The following SPTA1 variants were observed in gnomAD, a reference collection of about 807,000 sequenced individuals.
SPTA1 encodes the protein spectrin alpha chain, erythrocytic 1.
SPTA1 carries 177 observed loss-of-function variants against 324.7 expected under a neutral mutation model. That is an observed-to-expected ratio of 0.55 (90% CI 0.48 to 0.62). SPTA1 has a LOEUF of 0.62. Among genes scored for constraint, SPTA1 ranks in the 20% least tolerant of loss-of-function variants. The pLI is 0.00. For synonymous variants in SPTA1, 1,195 were observed against 1,041.3 expected (o/e 1.15, Z -2.84); for missense variants, 3,162 against 2,883.6 (o/e 1.10, Z -2.21).
intron 12 of SPTA1, among the ~76,000 whole-genome samples, chr1:158,670,450 G>A (rs1203935603): frequency 6.6e-6 from 1 of 152,196 alleles, no homozygotes; most frequent in East Asian, 1.9e-4. Flanking sequence ...CAATTAATGA[G>A]GGACTTGATA....
intron 1 of SPTA1, 54 bp from the exon 2 acceptor site, chr1:158,685,401 G>T (rs543408293): frequency 1.2e-6 from 2 of 1,603,844 alleles, no homozygotes; most frequent in Non-Finnish European, 1.7e-6. Flanking sequence ...TTAACATGTT[G>T]CCCCGCTTAT....
chr1:158,614,642 C>CT (rs1649450765), intron 48 of SPTA1: 3 of 236,342 alleles, frequency 1.3e-5, no homozygotes, highest in Non-Finnish European at 2.5e-5. Flanking sequence ...ATCATAGCTG[C>CT]TTTTTTCACT....
intron 20 of SPTA1, 77 bp from the exon 21 acceptor site, chr1:158,654,825 C>A: frequency 6.3e-7 from 1 of 1,595,220 alleles, no homozygotes; most frequent in East Asian, 2.2e-5. Context: ...GGTGAGTAGT[C>A]CTTTAGGCTT....
chr1:158,674,261 T>C (rs1220814018), intron 10 of SPTA1, 68 bp downstream of exon 10: 1 of 1,421,106 alleles, frequency 7.0e-7, no homozygotes, highest in Non-Finnish European at 9.9e-7. Context: ...GATTATCATA[T>C]TATTGTGAGA....
In SPTA1 at chr1:158,680,687, G is replaced by A. The variant is rs371828666; in HGVS notation, c.574C>T (p.Arg192Cys). 3.7e-5 allele frequency: 59 copies of A among 1,613,686 alleles called. No individual in the cohort carries two copies. Among genetic ancestry groups the A allele is most frequent in the Non-Finnish European group, 4.4e-5 (52 of 1,179,862 alleles). ...TSVELGEDWE[R>C]TEVLHKKFED... ...AATTTCTTATGCAGAACTTCGGTGC[G>A]CTCCCAGTCTTCACCTAGCTCCACT... Residue 192 changes from arginine to cysteine, a missense_variant, in exon 5 of 52, where the codon CGC (arginine) becomes TGC (cysteine). Physicochemically the swap from Arg to Cys is radical, Grantham distance 180 (BLOSUM62 -3). Transcript: ENST00000643759.
rs768802232 is a variant in SPTA1, at chr1:158,656,610, A to G, written c.2852T>C (p.Phe951Ser). 5.6e-6 allele frequency: 9 copies of G among 1,613,838 alleles called. No homozygotes were observed. Among genetic ancestry groups the G allele is most frequent in the African/African-American group, 1.3e-5 (1 of 74,912 alleles). Residue 951 changes from phenylalanine (F) to serine (S), a missense_variant, in exon 20 of 52, where the codon TTT (phenylalanine) becomes TCT (serine). By Grantham distance (155) the Phe-to-Ser change is radical. Coordinates refer to ENST00000643759, the MANE Select transcript of SPTA1 (RefSeq NM_003126.4). ...HEAFLLDLNS[F>S]GDSMKALRNQ... ...CCGCAGAGCTTTCATACTGTCTCCA[A>G]ATGAATTGAGATCTAATAGAAAGGC...
At chr1:158,612,689 T>C in intron 51 of SPTA1, 128 bp downstream of exon 51, 3 of 989,792 alleles carry the variant, frequency 3.0e-6, no homozygotes, top group South Asian at 2.7e-5. Flanking sequence ...AAATGACATC[T>C]TGTGAAAGGG....
At chr1:158,683,230 A>G (rs781242096) in intron 3 of SPTA1, 141 bp downstream of exon 3, 12 of 1,152,794 alleles carry the variant, frequency 1.0e-5, no homozygotes, top group Non-Finnish European at 1.5e-5. Context: ...ATCATTTTTT[A>G]TGCCTCAACC....
At chr1:158,683,850 A>G (rs1654986739) in intron 2 of SPTA1, among the ~76,000 whole-genome samples, 1 of 152,122 alleles carries the variant, frequency 6.6e-6, no homozygotes, top group South Asian at 2.1e-4. Flanking sequence ...TTTTTAAAAA[A>G]AAAAATTGAG....
intron 46 of SPTA1, 83 bp from the exon 47 acceptor site, chr1:158,617,671 G>A: frequency 7.5e-7 from 1 of 1,327,604 alleles, no homozygotes. Context: ...AAGCTCCTCT[G>A]TTTCAACTTC....
chr1:158,666,170 A>C (rs1653581232), intron 16 of SPTA1, 146 bp downstream of exon 16: 1 of 660,310 alleles, frequency 1.5e-6, no homozygotes, highest in East Asian at 2.8e-5. Context: ...TTACTTAATA[A>C]TCAGTGTGCT....
chr1:158,686,646 A>AG lies in SPTA1; in HGVS notation c.-130_-129insC. On this transcript the variant is annotated 5_prime_UTR_variant, in exon 1 of 52. An upstream open reading frame in the 5' UTR gains an earlier in-frame stop. Transcript: ENST00000643759. ...AGAAACGTTAAGTATGTGGGGGAAAAAAAAAAACCTCTTGCTTGGTCCTAG... is the reference window on the plus strand; with the variant it reads ...AGAAACGTTAAGTATGTGGGGGAAAAGAAAAAAACCTCTTGCTTGGTCCTAG... The AG allele has an allele frequency of 1.4e-6, 1 of 724,422 alleles. No homozygotes were observed. Among genetic ancestry groups the AG allele is most frequent in the Non-Finnish European group, 2.4e-6 (1 of 415,698 alleles). The allele number at this position is 724,422 out of a possible 1,614,324, so 44.9% of individuals were successfully genotyped here. A position where few individuals can be genotyped will look rare whatever the true frequency, so the allele number is the denominator to read the frequency against.
chr1:158,649,846 T>A lies in SPTA1; in HGVS notation c.3569+10A>T, dbSNP rs1345885061. On this transcript the variant is annotated intron_variant, in intron 25 of 51. Coordinates refer to ENST00000643759, the MANE Select transcript of SPTA1 (RefSeq NM_003126.4). The stretch of plus-strand genomic sequence containing the variant: ...AAAGCAGCACTGCTTTTTAGAGTTA[T>A]AATTATTACCTGTGAAACACTTCAA... 4 of 1,609,894 alleles carry A rather than the reference T, an allele frequency of 2.5e-6. No individual in the cohort carries two copies. The South Asian group carries it at 3.3e-5, about 13-fold the overall frequency.
At chr1:158,668,896 C>T (rs1217031803) in intron 14 of SPTA1, among the ~76,000 whole-genome samples, 2 of 152,188 alleles carry the variant, frequency 1.3e-5, no homozygotes, top group Non-Finnish European at 2.9e-5. Flanking sequence ...GGGCAACTCA[C>T]TTCTCAACTT....
In SPTA1 at chr1:158,677,844, T is replaced by C; in HGVS notation, c.813-10A>G. On this transcript the variant is annotated splice_polypyrimidine_tract_variant and intron_variant, in intron 6 of 51. Transcript: ENST00000643759. ...GGCTTCAGTCACATCCCTGCAGTCA[T>C]TAACAAGAGCTCCAACCAAAGAAGA... 1.2e-6 allele frequency: 2 copies of C among 1,613,332 alleles called. No homozygotes were observed. The highest frequency in any genetic ancestry group is 1.7e-5 in the Admixed American group (1 of 59,940).
intron 2 of SPTA1, 94 bp downstream of exon 2, chr1:158,685,014 A>G: frequency 6.9e-7 from 1 of 1,446,090 alleles, no homozygotes. Flanking sequence ...AATTGTACCC[A>G]CACATACCCA....
chr1:158,645,527 T>G lies in SPTA1; in HGVS notation c.3964A>C (p.Thr1322Pro). ...VSSQELAEDL[T>P]GIEILLERHQ... ...CTCTCCAGCAAGATCTCTATGCCAG[T>G]TAAGTCTTCGGCCAGCTCCTGTGAT... Residue 1322 changes from threonine to proline, a missense_variant, in exon 28 of 52, where the codon ACT (threonine) becomes CCT (proline). Thr to Pro is a conservative substitution (Grantham distance 38). Transcript: ENST00000643759. 6.2e-7 allele frequency: 1 copy of G among 1,614,050 alleles called. No individual in the cohort carries two copies. The highest frequency in any genetic ancestry group is 1.1e-5 in the South Asian group (1 of 91,080).
chr1:158,683,420 G>A lies in SPTA1; in HGVS notation c.341C>T (p.Thr114Ile). The change falls in exon 3 of 52, where the codon ACA becomes ATA. Residue 114 changes from threonine (T) to isoleucine (I), a missense_variant. Thr to Ile is a moderately conservative substitution (Grantham distance 89, BLOSUM62 -1). Transcript: ENST00000643759. ...ACCCATGGTAAATCGTTCTTCCCTT[G>A]TTTTTTCCAGTTCAGACATGAGTCT... ...KSRLMSELEKTREERFTMGHS... is the reference protein window; with the variant it reads ...KSRLMSELEKIREERFTMGHS... The A allele has an allele frequency of 6.2e-7, 1 of 1,613,374 alleles. No individual in the cohort carries two copies. The highest frequency in any genetic ancestry group is 8.5e-7 in the Non-Finnish European group (1 of 1,179,522).
At position 158,625,083 on chromosome 1, in the gene SPTA1, C is replaced by A. The variant is rs183820438; in HGVS notation, c.5910+1063G>T. 2.0e-5 allele frequency among the ~76,000 whole-genome samples: 3 copies of A among 152,108 alleles called. No homozygotes were observed. The East Asian group carries it at 5.8e-4, about 29-fold the overall frequency. Reference sequence around the variant, plus strand: ...TAAATGTAAACAGACTCACTTTTTCCATAAAATTATCAAATTAGATAAAGT... The same window carrying A: ...TAAATGTAAACAGACTCACTTTTTCAATAAAATTATCAAATTAGATAAAGT... On this transcript the variant is annotated intron_variant, in intron 42 of 51. Transcript: ENST00000643759.
Sources: gnomAD v4.1 joint callset for allele counts (sites outside exome capture counted in the v4.1 genomes callset) on GRCh38, gnomAD v4.1.1 for gene constraint, MANE v1.5 for transcripts, NCBI Gene and HGNC (gene_info 2026-07-23, HGNC 2026-07-21) for gene names.